The following ASB3 variants were observed in gnomAD, a reference collection of about 807,000 sequenced individuals.
ASB3 encodes ankyrin repeat and SOCS box protein 3.
A neutral mutation model predicts 54.5 loss-of-function variants in ASB3; 41 were observed. That is an observed-to-expected ratio of 0.75 (90% CI 0.59 to 0.98). The LOEUF is 0.98. Among genes scored for constraint, ASB3 ranks in the 50% least tolerant of loss-of-function variants. The pLI is 0.00. For synonymous variants in ASB3, 266 were observed against 221.2 expected (o/e 1.20, Z -1.80); for missense variants, 733 against 620.0 (o/e 1.18, Z -1.94).
chr2:53,740,402 G>A (rs1572945170), intron 3 of ASB3, among the ~76,000 whole-genome samples: 1 of 152,106 alleles, frequency 6.6e-6, no homozygotes, highest in East Asian at 1.9e-4. Context: ...CTCCATTATT[G>A]CTATGACAAA....
intron 7 of ASB3, among the ~76,000 whole-genome samples, chr2:53,711,941 G>A (rs1558531971): frequency 6.6e-6 from 1 of 152,068 alleles, no homozygotes; most frequent in Non-Finnish European, 1.5e-5. Flanking sequence ...GAAAGAGAGA[G>A]GCTGTAGTGG....
intron 3 of ASB3, among the ~76,000 whole-genome samples, chr2:53,745,726 T>A (rs1672186372): frequency 6.6e-6 from 1 of 152,222 alleles, no homozygotes; most frequent in Non-Finnish European, 1.5e-5. Context: ...CTATAACATG[T>A]AATAGAGTAT....
chr2:53,752,800 T>C (rs746156584), intron 2 of ASB3, among the ~76,000 whole-genome samples: 1 of 152,104 alleles, frequency 6.6e-6, no homozygotes, highest in Non-Finnish European at 1.5e-5. Flanking sequence ...CTGGTACAAA[T>C]GCAGAAAGGA....
intron 9 of ASB3, among the ~76,000 whole-genome samples, chr2:53,685,877 T>C (rs1402866269): frequency 6.6e-6 from 1 of 152,148 alleles, no homozygotes; most frequent in Non-Finnish European, 1.5e-5. Flanking sequence ...AAATGGTGGG[T>C]CTTAAAATTC....
intron 7 of ASB3, among the ~76,000 whole-genome samples, chr2:53,712,445 G>A (rs964586168): frequency 1.4e-4 from 22 of 152,094 alleles, no homozygotes; most frequent in Non-Finnish European, 2.4e-4. Flanking sequence ...GGAGAAAAAA[G>A]GGTCTGCCCC....
intron 1 of ASB3, among the ~76,000 whole-genome samples, chr2:53,777,793 C>A (rs184663174): frequency 4.6e-5 from 7 of 152,192 alleles, no homozygotes; most frequent in Admixed American, 1.3e-4. Context: ...TGTGTTTGTG[C>A]CTTTTTATTA....
chr2:53,712,420 T>C (rs1230324587), intron 7 of ASB3, among the ~76,000 whole-genome samples: 1 of 152,186 alleles, frequency 6.6e-6, no homozygotes, highest in Non-Finnish European at 1.5e-5. Context: ...ACTGACTGAT[T>C]TTGTAGAAAT....
chr2:53,691,992 C>T (rs1316011377), intron 9 of ASB3, among the ~76,000 whole-genome samples: 1 of 152,174 alleles, frequency 6.6e-6, no homozygotes, highest in East Asian at 1.9e-4. Context: ...TCAACCTCGG[C>T]GCTACTGACA....
intron 2 of ASB3, among the ~76,000 whole-genome samples, chr2:53,753,607 C>T (rs1304792721): frequency 6.6e-6 from 1 of 151,654 alleles, no homozygotes; most frequent in Non-Finnish European, 1.5e-5. Flanking sequence ...CCAGTAGCAA[C>T]AAGCACACCC....
chr2:53,677,938 T>C (rs566472571), intron 9 of ASB3, among the ~76,000 whole-genome samples: 1 of 152,352 alleles, frequency 6.6e-6, no homozygotes, highest in East Asian at 1.9e-4. Flanking sequence ...GATAATTTTA[T>C]ATTTGTCAGT....
At chr2:53,691,579 C>T (rs1038523128) in intron 9 of ASB3, among the ~76,000 whole-genome samples, 1 of 151,972 alleles carries the variant, frequency 6.6e-6, no homozygotes, top group Non-Finnish European at 1.5e-5. Flanking sequence ...GGGTTTGAGC[C>T]CATTAGTATT....
intron 9 of ASB3, among the ~76,000 whole-genome samples, chr2:53,677,783 T>C (rs1668159293): frequency 1.3e-5 from 2 of 152,128 alleles, no homozygotes; most frequent in Non-Finnish European, 2.9e-5. Context: ...AATCACAGGG[T>C]TTGCCCTCAT....
At chr2:53,714,021 G>A (rs542053396) in intron 7 of ASB3, among the ~76,000 whole-genome samples, 9 of 152,096 alleles carry the variant, frequency 5.9e-5, no homozygotes, top group East Asian at 1.9e-4. Context: ...AATTTGAAAC[G>A]GTAAATGACC....
chr2:53,685,900 T>C (rs1424411810), intron 9 of ASB3, among the ~76,000 whole-genome samples: 2 of 152,316 alleles, frequency 1.3e-5, no homozygotes, highest in African/African-American at 2.4e-5. Context: ...CAATCTCCAA[T>C]AGATACAAAT....
At chr2:53,726,802 T>C (rs1262559330) in intron 5 of ASB3, among the ~76,000 whole-genome samples, 1 of 151,918 alleles carries the variant, frequency 6.6e-6, no homozygotes, top group Non-Finnish European at 1.5e-5. Flanking sequence ...GTTCAAGAGA[T>C]TCTCCTGCCT....
Position 53,725,152 on chromosome 2 carries a change from G to A in ASB3, c.604+3560C>T, listed in dbSNP as rs539679463. ...TCCTTTCAGCAACATGGATGCAGCT[G>A]GAGGCCATTATTCTAAGTGAATTAA... is the stretch of plus-strand genomic sequence containing the variant. On this transcript the variant is annotated intron_variant, in intron 5 of 9. Coordinates refer to ENST00000263634, the MANE Select transcript of ASB3 (RefSeq NM_016115.5). Among the ~76,000 whole-genome samples, 14 of 152,270 alleles carry A rather than the reference G, an allele frequency of 9.2e-5. No homozygotes were observed. The South Asian group carries it at 2.9e-3, about 32-fold the overall frequency.
intron 9 of ASB3, among the ~76,000 whole-genome samples, chr2:53,676,371 T>C (rs77637897): frequency 0.032 from 4,906 of 152,330 alleles, 122 homozygotes; most frequent in South Asian, 0.1. Context: ...CACCACTCCT[T>C]CAATGGTCAT....
intron 2 of ASB3, among the ~76,000 whole-genome samples, chr2:53,756,048 C>A (rs1672805279): frequency 6.6e-6 from 1 of 150,644 alleles, no homozygotes; most frequent in Non-Finnish European, 1.5e-5. Flanking sequence ...TGTCTGCGGT[C>A]CCAGTTATTC....
rs765978993 is a variant in ASB3 at position 53,700,475 on chromosome 2, T to G, written c.1034A>C (p.Asn345Thr). 1 of 1,614,100 alleles carries G rather than the reference T, an allele frequency of 6.2e-7. No individual in the cohort carries two copies. The highest frequency in any genetic ancestry group is 1.7e-5 in the Admixed American group (1 of 60,000). Residue 345 changes from asparagine (N) to threonine (T), a missense_variant, in exon 8 of 10, where the codon AAT (asparagine) becomes ACT (threonine). Coordinates refer to ENST00000263634, the MANE Select transcript of ASB3 (RefSeq NM_016115.5). The stretch of plus-strand genomic sequence containing the variant: ...CAGGCAGTATGCCAAATGAAGTTCA[T>G]TTATCTGGGCTCCATATTTCAAAAG... ...NILLKYGAQI[N>T]ELHLAYCLKY...
Sources: allele counts gnomAD v4.1 joint callset (sites outside exome capture counted in the v4.1 genomes callset), GRCh38; gene constraint gnomAD v4.1.1; transcripts MANE v1.5; gene names NCBI Gene and HGNC (gene_info 2026-07-23, HGNC 2026-07-21).